KNDC1: variants seen among roughly 807,000 people sequenced by gnomAD.
KNDC1 encodes kinase non-catalytic C-lobe domain containing 1, also known as kinase non-catalytic C-lobe domain-containing protein 1.
KNDC1 carries 106 observed loss-of-function variants against 172.8 expected under a neutral mutation model. The observed-to-expected ratio is 0.61, with a 90% confidence interval of 0.52 to 0.72. The LOEUF is 0.72. Among genes scored for constraint, KNDC1 ranks in the 30% least tolerant of loss-of-function variants. KNDC1 has a pLI of 0.00. For synonymous variants in KNDC1, 1,083 were observed against 1,062.2 expected (o/e 1.02, Z -0.38); for missense variants, 2,325 against 2,394.5 (o/e 0.97, Z 0.61).
rs918560331 is a variant in KNDC1, at chr10:133,209,185, G to A, written c.3795-1426G>A. Among the ~76,000 whole-genome samples the A allele has an allele frequency of 6.6e-6, 1 of 151,480 alleles. No individual in the cohort carries two copies. Among genetic ancestry groups the A allele is most frequent in the African/African-American group, 2.4e-5 (1 of 41,180 alleles). On this transcript the variant is annotated intron_variant, in intron 20 of 29. Coordinates refer to ENST00000304613, the MANE Select transcript of KNDC1 (RefSeq NM_152643.8). This position sits in a 1 kb window ranked among gnomAD's most constrained non-coding sequence, Gnocchi z 4.9. ...GCAGGTGTGCATGTGTGTATGGCAT[G>A]GGGTGTAGTGTGGCGTGTACACGTG... is the stretch of plus-strand genomic sequence containing the variant.
intron 3 of KNDC1, among the ~76,000 whole-genome samples, chr10:133,181,264 C>T (rs548450461): frequency 4.6e-5 from 7 of 152,348 alleles, no homozygotes; most frequent in African/African-American, 1.7e-4. Flanking sequence ...GCGGAGGGGA[C>T]GGACCCTGTG....
Position 133,225,370 on chromosome 10 carries a change from G to GC in KNDC1, c.*482dup, listed in dbSNP as rs1241597251. 5.6e-6 allele frequency: 1 copy of GC among 177,300 alleles called. No homozygotes were observed. The highest frequency in any genetic ancestry group is 1.7e-4 in the East Asian group (1 of 5,738). 11.0% of individuals were successfully genotyped at this position (177,300 alleles called of 1,614,324 possible). A position where few individuals can be genotyped will look rare whatever the true frequency, so the allele number is the denominator to read the frequency against. On this transcript the variant is annotated 3_prime_UTR_variant, in exon 30 of 30. Coordinates refer to ENST00000304613, the MANE Select transcript of KNDC1 (RefSeq NM_152643.8). Reference sequence around the variant, plus strand: ...AAGGGCCAAAGCTGACCTCTGAGTGGCCAACTGCAGCTCCCAGGGACTCCG... The same window carrying GC: ...AAGGGCCAAAGCTGACCTCTGAGTGGCCCAACTGCAGCTCCCAGGGACTCCG...
chr10:133,221,943 C>T (rs1845600005), intron 29 of KNDC1, among the ~76,000 whole-genome samples: 2 of 70,108 alleles, frequency 2.9e-5, no homozygotes, highest in Non-Finnish European at 7.2e-5. Flanking sequence ...CCACTCACGC[C>T]TGTAACCCTA....
intron 17 of KNDC1, among the ~76,000 whole-genome samples, chr10:133,206,480 C>T (rs1270918333): frequency 1.3e-5 from 2 of 151,652 alleles, no homozygotes; most frequent in Non-Finnish European, 3.0e-5. Context: ...GCCCTGTGAG[C>T]CTGGGGGCAG....
chr10:133,199,390 A>G, intron 14 of KNDC1, 68 bp from the exon 15 acceptor site: 6 of 1,583,452 alleles, frequency 3.8e-6, no homozygotes, highest in Non-Finnish European at 5.2e-6. Flanking sequence ...CCGTTTCATC[A>G]GCCACAAGGG....
Position 133,219,182 on chromosome 10 carries a change from G to C in KNDC1, c.4860+92G>C, listed in dbSNP as rs1845530280. The C allele has an allele frequency of 2.0e-6, 3 of 1,465,472 alleles. No individual in the cohort carries two copies. The South Asian group carries it at 3.7e-5, about 18-fold the overall frequency. The allele number at this position is 1,465,472 out of a possible 1,614,324, so 90.8% of individuals were successfully genotyped here. A position where few individuals can be genotyped will look rare whatever the true frequency, so the allele number is the denominator to read the frequency against. ...GCAGAGCCTGCCGCACCCAGACGCA[G>C]GCACCACAGAGTGTGTGCAGGTGGC... On this transcript the variant is annotated intron_variant, in intron 28 of 29. Transcript: ENST00000304613.
intron 3 of KNDC1, among the ~76,000 whole-genome samples, chr10:133,178,237 G>A (rs190085570): frequency 4.5e-4 from 68 of 152,156 alleles, no homozygotes; most frequent in African/African-American, 8.2e-4. Context: ...TGCATGTAGC[G>A]TGTTGCATGT....
chr10:133,177,534 A>AGTGTG (rs1554911894), intron 3 of KNDC1, among the ~76,000 whole-genome samples: 4,003 of 151,602 alleles, frequency 0.026, 56 homozygotes, highest in Middle Eastern at 0.034. Context: ...GCATGCACAT[A>AGTGTG]GTGTGTGTCA....
At chr10:133,206,429 G>A (rs1356617077) in intron 17 of KNDC1, among the ~76,000 whole-genome samples, 2 of 152,058 alleles carry the variant, frequency 1.3e-5, no homozygotes, top group Non-Finnish European at 2.9e-5. Flanking sequence ...CCTGACTGTG[G>A]GTGAGGGGCG....
chr10:133,200,543 T>C, intron 16 of KNDC1, 83 bp downstream of exon 16: 1 of 1,107,790 alleles, frequency 9.0e-7, no homozygotes, highest in African/African-American at 1.7e-5. Context: ...CGCCCCAGGG[T>C]CCCAGCAGCC....
rs1236182501 is a variant in KNDC1 at position 133,189,640 on chromosome 10, C to A, written c.1484C>A (p.Ala495Asp). 1 of 1,613,854 alleles carries A rather than the reference C, an allele frequency of 6.2e-7. No homozygotes were observed. The highest frequency in any genetic ancestry group is 8.5e-7 in the Non-Finnish European group (1 of 1,179,984). The change falls in exon 8 of 30, where the codon GCT becomes GAT. Residue 495 changes from alanine (A) to aspartate (D), a missense_variant. Ala to Asp is a moderately radical substitution (Grantham distance 126, BLOSUM62 -2). Coordinates refer to ENST00000304613, the MANE Select transcript of KNDC1 (RefSeq NM_152643.8). ...TCCGTGCTGGTTGCTGAGGACGGGGCTGTGCTCTTCCAGCCACCCCCTGCC... is the reference window on the plus strand; with the variant it reads ...TCCGTGCTGGTTGCTGAGGACGGGGATGTGCTCTTCCAGCCACCCCCTGCC... ...LDSVLVAEDG[A>D]VLFQPPPANG... is the part of the protein sequence containing the mutation.
chr10:133,182,413 G>A (rs1264759620), intron 3 of KNDC1, among the ~76,000 whole-genome samples: 1 of 141,196 alleles, frequency 7.1e-6, no homozygotes, highest in Non-Finnish European at 1.5e-5. Flanking sequence ...ACACTTGGGA[G>A]CACAGGTGCG....
chr10:133,180,424 C>T (rs1853682765), intron 3 of KNDC1, among the ~76,000 whole-genome samples: 1 of 152,274 alleles, frequency 6.6e-6, no homozygotes, highest in South Asian at 2.1e-4. Flanking sequence ...GCAAGGATAG[C>T]GTCTCAGGGG....
intron 26 of KNDC1, among the ~76,000 whole-genome samples, chr10:133,216,627 A>T (rs1845472695): frequency 6.6e-6 from 1 of 152,164 alleles, no homozygotes; most frequent in Admixed American, 6.5e-5. Flanking sequence ...CAGTGAGCTG[A>T]GGTTGCACCA....
intron 3 of KNDC1, among the ~76,000 whole-genome samples, chr10:133,171,692 C>CCCCAAATT (rs1853382924): frequency 6.6e-6 from 1 of 152,164 alleles, no homozygotes; most frequent in Non-Finnish European, 1.5e-5. Context: ...CTCACTGCAG[C>CCCCAAATT]CCCAAATTTC....
intron 3 of KNDC1, among the ~76,000 whole-genome samples, chr10:133,178,244 A>T (rs1452084827): frequency 2.0e-5 from 3 of 151,648 alleles, no homozygotes; most frequent in African/African-American, 7.3e-5. Context: ...AGCGTGTTGC[A>T]TGTCACAGGC....
At chr10:133,187,123 G>A (rs1402282124) in intron 6 of KNDC1, among the ~76,000 whole-genome samples, 1 of 152,254 alleles carries the variant, frequency 6.6e-6, no homozygotes, top group Non-Finnish European at 1.5e-5. Context: ...TGTGGGTTGA[G>A]CTTGCTCATC....
At chr10:133,201,375 G>A (rs1319147511) in intron 16 of KNDC1, 126 bp from the exon 17 acceptor site, 17 of 1,060,872 alleles carry the variant, frequency 1.6e-5, no homozygotes, top group East Asian at 2.5e-5. Context: ...GGGGGCGCCC[G>A]TGGTGGGCGG....
Position 133,224,718 on chromosome 10 carries a change from G to A in KNDC1, c.5078G>A (p.Ser1693Asn). ...HAFQENPYTF[S>N]PDPKLQSYLK... ...TTCCAGGAGAACCCTTACACCTTCAGCCCCGACCCCAAGCTCCAGTCGTAC... is the reference window on the plus strand; with the variant it reads ...TTCCAGGAGAACCCTTACACCTTCAACCCCGACCCCAAGCTCCAGTCGTAC... Residue 1693 changes from serine to asparagine, a missense_variant, in exon 30 of 30, where the codon AGC becomes AAC. Coordinates refer to ENST00000304613, the MANE Select transcript of KNDC1 (RefSeq NM_152643.8). This position sits in a 1 kb window ranked among gnomAD's most constrained non-coding sequence, Gnocchi z 5.4. The A allele has an allele frequency of 1.2e-6, 2 of 1,614,072 alleles. No homozygotes were observed. Among genetic ancestry groups the A allele is most frequent in the Non-Finnish European group, 1.7e-6 (2 of 1,180,012 alleles).
Sources: gnomAD v4.1 joint callset for allele counts (sites outside exome capture counted in the v4.1 genomes callset) on GRCh38, gnomAD v4.1.1 for gene constraint, Gnocchi (gnomAD v3.1) non-coding constraint, MANE v1.5 for transcripts, NCBI Gene and HGNC (gene_info 2026-07-23, HGNC 2026-07-21) for gene names.